FAM135B: variants seen among roughly 807,000 people sequenced by gnomAD.
FAM135B encodes the protein protein FAM135B.
Under a neutral mutation model 127.7 loss-of-function variants are expected in FAM135B, and 43 were observed. That is an observed-to-expected ratio of 0.34 (90% CI 0.26 to 0.43). The LOEUF is 0.43. Ranked by LOEUF, FAM135B falls within the 20% of genes least tolerant of loss-of-function variation. The probability of loss-of-function intolerance (pLI) is 1.00; values close to 1 mark genes in which losing one functional copy is unlikely to be tolerated. For synonymous variants in FAM135B, 670 were observed against 665.1 expected (o/e 1.01, Z -0.11); for missense variants, 1,558 against 1,725.6 (o/e 0.90, Z 1.72).
At position 138,243,819 on chromosome 8, in the gene FAM135B, TATACTC is replaced by T. The variant is rs773097647; in HGVS notation, c.543-757_543-752del. ...AATTGATATACCAGTAATGTTCACT[TATACTC>T]ATATTCTTTTTTAGATCTCTTCTGT... is the stretch of plus-strand genomic sequence containing the variant. On this transcript the variant is annotated intron_variant, in intron 6 of 19. Transcript: ENST00000395297. The surrounding 1 kb of genome is among the most constrained non-coding windows in gnomAD (Gnocchi z 7.5). Among the ~76,000 whole-genome samples, 1 of 152,244 alleles carries T rather than the reference TATACTC, an allele frequency of 6.6e-6. No individual in the cohort carries two copies. The highest frequency in any genetic ancestry group is 6.5e-5 in the Admixed American group (1 of 15,288).
intron 9 of FAM135B, among the ~76,000 whole-genome samples, chr8:138,194,436 C>A (rs1816440521): frequency 6.6e-6 from 1 of 152,176 alleles, no homozygotes; most frequent in South Asian, 2.1e-4. Context: ...ATCTGGGGAG[C>A]TTTGAATAAA....
intron 1 of FAM135B, among the ~76,000 whole-genome samples, chr8:138,426,118 A>G (rs577195250): frequency 4.5e-4 from 54 of 120,040 alleles, no homozygotes; most frequent in African/African-American, 2.0e-3. Flanking sequence ...ATATACACAT[A>G]TGTGTGTGTG....
chr8:138,245,467 G>GA (rs1821205038), intron 6 of FAM135B, among the ~76,000 whole-genome samples: 1 of 152,108 alleles, frequency 6.6e-6, no homozygotes, highest in African/African-American at 2.4e-5. Context: ...GAGATCTGAT[G>GA]GTTTTATAAG....
At chr8:138,411,778 T>C (rs1372717604) in intron 1 of FAM135B, among the ~76,000 whole-genome samples, 2 of 152,174 alleles carry the variant, frequency 1.3e-5, no homozygotes, top group African/African-American at 4.8e-5. Context: ...TGTATGTTCA[T>C]AGCAGTACTA....
intron 2 of FAM135B, among the ~76,000 whole-genome samples, chr8:138,341,626 T>G (rs1416843614): frequency 6.6e-6 from 1 of 152,112 alleles, no homozygotes; most frequent in Non-Finnish European, 1.5e-5. Context: ...ATTAAAAAGG[T>G]TTTTGGTAAA....
At chr8:138,405,201 T>C (rs1435874213) in intron 1 of FAM135B, among the ~76,000 whole-genome samples, 1 of 146,658 alleles carries the variant, frequency 6.8e-6, no homozygotes, top group Non-Finnish European at 1.5e-5. Context: ...AGTAGTAATA[T>C]TCTTTTTTTT....
In FAM135B at chr8:138,262,903, G is replaced by GGAA. The variant is rs1409817090; in HGVS notation, c.297+2799_297+2800insTTC. 9.6e-4 allele frequency among the ~76,000 whole-genome samples: 92 copies of GGAA among 95,364 alleles called. 1 individual carries two copies. Among genetic ancestry groups the GGAA allele is most frequent in the African/African-American group, 3.7e-3 (87 of 23,350 alleles). 62.6% of individuals were successfully genotyped at this position (95,364 alleles called of 152,430 possible). On this transcript the variant is annotated intron_variant, in intron 4 of 19. Coordinates refer to ENST00000395297, the MANE Select transcript of FAM135B (RefSeq NM_015912.4). ...AGCGACAGTGGGAGACTCTGTCTCA[G>GGAA]AAAAAAAAAAAAAAAAAAGCAACTA...
chr8:138,423,146 G>A (rs1834619626), intron 1 of FAM135B, among the ~76,000 whole-genome samples: 1 of 152,098 alleles, frequency 6.6e-6, no homozygotes, highest in African/African-American at 2.4e-5. Flanking sequence ...GGTGAGGATT[G>A]AAAATCTACC....
intron 7 of FAM135B, among the ~76,000 whole-genome samples, chr8:138,218,553 C>A (rs1402819027): frequency 6.6e-6 from 1 of 152,150 alleles, no homozygotes; most frequent in Non-Finnish European, 1.5e-5. Flanking sequence ...CAGAGTGGGA[C>A]TCATACTTAG....
chr8:138,345,471 G>A (rs1382735298), intron 2 of FAM135B, among the ~76,000 whole-genome samples: 1 of 152,204 alleles, frequency 6.6e-6, no homozygotes, highest in African/African-American at 2.4e-5. Flanking sequence ...GTAACTCCGG[G>A]TAATTCTAAA....
intron 3 of FAM135B, among the ~76,000 whole-genome samples, chr8:138,283,135 G>A (rs780377486): frequency 6.6e-6 from 1 of 151,978 alleles, no homozygotes; most frequent in Admixed American, 6.6e-5. Context: ...TCTTGACCTC[G>A]TGACCCGCCC....
At chr8:138,180,193 G>A (rs1400040944) in intron 9 of FAM135B, among the ~76,000 whole-genome samples, 1 of 152,142 alleles carries the variant, frequency 6.6e-6, no homozygotes, top group African/African-American at 2.4e-5. Context: ...GAAGCCAGTT[G>A]CCAAAGCCTG....
chr8:138,415,097 C>T (rs1038538006), intron 1 of FAM135B, among the ~76,000 whole-genome samples: 7 of 152,192 alleles, frequency 4.6e-5, no homozygotes, highest in Non-Finnish European at 1.0e-4. Context: ...AATACTCAAT[C>T]CCCATGCTCA....
chr8:138,448,105 AGGTC>A (rs1836295682), intron 1 of FAM135B, among the ~76,000 whole-genome samples: 1 of 151,314 alleles, frequency 6.6e-6, no homozygotes, highest in African/African-American at 2.4e-5. Context: ...AAGGAAACAG[AGGTC>A]AGAAAAAAAA....
At position 138,265,729 on chromosome 8, in the gene FAM135B, C is replaced by T; in HGVS notation, c.271G>A (p.Val91Ile). 6.2e-7 allele frequency: 1 copy of T among 1,614,038 alleles called. No individual in the cohort carries two copies. The highest frequency in any genetic ancestry group is 8.5e-7 in the Non-Finnish European group (1 of 1,179,984). Residue 91 changes from valine (V) to isoleucine (I), a missense_variant, in exon 4 of 20, where the codon GTT becomes ATT. Val to Ile is a conservative substitution (Grantham distance 29). This residue lies in a region of FAM135B where 199 missense variants were observed against 245.7 expected (regional missense o/e 0.81). Coordinates refer to ENST00000395297, the MANE Select transcript of FAM135B (RefSeq NM_015912.4). ...CTTTCACCACCCAAGAGTAAATGAA[C>T]TCGGAAGACCACAGCATCATTTATG... is the stretch of plus-strand genomic sequence containing the variant. ...VPINDAVVFR[V>I]HLLLGGERME...
rs75208041 is a variant in FAM135B, at chr8:138,353,102, C to T, written c.77+14805G>A. Among the ~76,000 whole-genome samples the T allele has an allele frequency of 4.7e-4, 72 of 152,258 alleles. No homozygotes were observed. In the East Asian group the frequency reaches 0.013, roughly 27 times the overall value. On this transcript the variant is annotated intron_variant, in intron 2 of 19. Transcript: ENST00000395297. ...CATCACTCCCCTACTTGAAACATTCCACACTCACACCTTCTGTACCATTCC... is the reference window on the plus strand; with the variant it reads ...CATCACTCCCCTACTTGAAACATTCTACACTCACACCTTCTGTACCATTCC...
rs997472184 is a variant in FAM135B at position 138,243,777 on chromosome 8, C to T, written c.543-709G>A. ...TTATGATCATCTTCCTCTATCTTTA[C>T]CTGTTTGATTTTCATCAATTGATAT... is the stretch of plus-strand genomic sequence containing the variant. On this transcript the variant is annotated intron_variant, in intron 6 of 19. Coordinates refer to ENST00000395297, the MANE Select transcript of FAM135B (RefSeq NM_015912.4). This position sits in a 1 kb window ranked among gnomAD's most constrained non-coding sequence, Gnocchi z 7.5. 1.3e-5 allele frequency among the ~76,000 whole-genome samples: 2 copies of T among 152,156 alleles called. No individual in the cohort carries two copies. The highest frequency in any genetic ancestry group is 1.9e-4 in the East Asian group (1 of 5,198).
chr8:138,143,888 T>G lies in FAM135B; in HGVS notation c.3541-779A>C, dbSNP rs140741041. Among the ~76,000 whole-genome samples the G allele has an allele frequency of 1.2e-3, 184 of 152,272 alleles. 1 individual carries two copies. Among genetic ancestry groups the G allele is most frequent in the Admixed American group, 2.0e-3 (31 of 15,294 alleles). On this transcript the variant is annotated intron_variant, in intron 15 of 19. Coordinates refer to ENST00000395297, the MANE Select transcript of FAM135B (RefSeq NM_015912.4). ...TATCCTGTGAAGAAAGGAGTACGTG[T>G]TGGAGGATAGGAGTGGTGAAGAGAA... is the stretch of plus-strand genomic sequence containing the variant.
chr8:138,459,053 A>C (rs1417930025), intron 1 of FAM135B: 1 of 152,450 alleles, frequency 6.6e-6, no homozygotes, highest in Non-Finnish European at 1.5e-5. Context: ...GCCACTCCCC[A>C]CCCCCAAATC....
Sources: gnomAD v4.1 joint callset for allele counts (sites outside exome capture counted in the v4.1 genomes callset) on GRCh38, gnomAD v4.1.1 for gene constraint, gnomAD v4.1.1 regional missense constraint, Gnocchi (gnomAD v3.1) non-coding constraint, MANE v1.5 for transcripts, NCBI Gene and HGNC (gene_info 2026-07-23, HGNC 2026-07-21) for gene names.